Variants in ATRNL1 observed in about 807,000 individuals in gnomAD.
The protein encoded by ATRNL1 is attractin-like protein 1.
ATRNL1 carries 95 observed loss-of-function variants against 182.7 expected under a neutral mutation model. The ratio of observed to expected loss-of-function variants is 0.52; its 90% CI spans 0.44 to 0.62. ATRNL1 has a LOEUF of 0.62. Among genes scored for constraint, ATRNL1 ranks in the 20% least tolerant of loss-of-function variants. The pLI, the probability that ATRNL1 is intolerant of heterozygous loss-of-function variation, is 0.00. For synonymous variants in ATRNL1, 576 were observed against 568.3 expected, an observed-to-expected ratio of 1.01 and a Z score of -0.19; for missense variants, 1,471 against 1,679.5, an observed-to-expected ratio of 0.88 and a Z score of 2.17.
chr10:115,939,394 G>A (rs113347832), intron 28 of ATRNL1, among the ~76,000 whole-genome samples: 394 of 152,202 alleles, frequency 2.6e-3, no homozygotes, highest in African/African-American at 8.7e-3. Flanking sequence ...CTTCCTATGC[G>A]GTTTATACTT....
chr10:115,700,549 A>G (rs1047464439), intron 26 of ATRNL1, among the ~76,000 whole-genome samples: 1 of 151,814 alleles, frequency 6.6e-6, no homozygotes, highest in Non-Finnish European at 1.5e-5. Flanking sequence ...GGGTTATTTG[A>G]CTTTTCCTTG....
At chr10:115,368,337 A>G (rs753078989) in intron 19 of ATRNL1, among the ~76,000 whole-genome samples, 5 of 152,050 alleles carry the variant, frequency 3.3e-5, no homozygotes, top group African/African-American at 4.8e-5. Context: ...GAACTCCCTG[A>G]CCCTTGCGCT....
At chr10:115,360,963 G>A (rs781893706) in intron 19 of ATRNL1, among the ~76,000 whole-genome samples, 3 of 151,774 alleles carry the variant, frequency 2.0e-5, no homozygotes, top group Non-Finnish European at 4.4e-5. Context: ...TCTTACCAAC[G>A]TATCAGGAGC....
intron 26 of ATRNL1, among the ~76,000 whole-genome samples, chr10:115,594,584 G>A (rs932216309): frequency 2.6e-4 from 39 of 152,162 alleles, no homozygotes; most frequent in African/African-American, 8.7e-4. Flanking sequence ...GTGGCTCACC[G>A]CAATCTCCGC....
At chr10:115,394,848 T>C (rs557834919) in intron 20 of ATRNL1, 96 bp downstream of exon 20, 1 of 893,776 alleles carries the variant, frequency 1.1e-6, no homozygotes, top group Non-Finnish European at 1.7e-6. Flanking sequence ...TTGTGCTAGT[T>C]AGGCATACCT....
intron 20 of ATRNL1, among the ~76,000 whole-genome samples, chr10:115,409,859 T>C (rs1279193627): frequency 6.6e-6 from 1 of 152,208 alleles, no homozygotes; most frequent in Non-Finnish European, 1.5e-5. Flanking sequence ...TGGTGTGGTT[T>C]GTCATGTATG....
At chr10:115,648,661 G>A (rs1555033455) in intron 26 of ATRNL1, among the ~76,000 whole-genome samples, 2 of 152,072 alleles carry the variant, frequency 1.3e-5, no homozygotes, top group East Asian at 3.9e-4. Context: ...CCTTTTCTAG[G>A]CAGTTACTTC....
At chr10:115,672,754 T>A (rs1945738949) in intron 26 of ATRNL1, among the ~76,000 whole-genome samples, 1 of 152,144 alleles carries the variant, frequency 6.6e-6, no homozygotes. Flanking sequence ...CCAATTTTTG[T>A]CTTTCTTAAA....
chr10:115,290,778 G>A (rs1852863920), intron 15 of ATRNL1, among the ~76,000 whole-genome samples: 1 of 152,182 alleles, frequency 6.6e-6, no homozygotes, highest in African/African-American at 2.4e-5. Context: ...AATGCATGGG[G>A]TTTTATAGAC....
intron 10 of ATRNL1, among the ~76,000 whole-genome samples, chr10:115,246,131 A>C (rs1850627495): frequency 1.3e-5 from 2 of 152,196 alleles, no homozygotes; most frequent in South Asian, 4.1e-4. Context: ...GGCATGTCAC[A>C]CATGATTTAT....
intron 28 of ATRNL1, among the ~76,000 whole-genome samples, chr10:115,852,337 C>G (rs2134367977): frequency 6.6e-6 from 1 of 152,204 alleles, no homozygotes; most frequent in Admixed American, 6.5e-5. Flanking sequence ...TTTGAATAAT[C>G]TAGAAATATT....
chr10:115,180,792 C>CTA (rs1847719834), intron 8 of ATRNL1, among the ~76,000 whole-genome samples: 1 of 151,822 alleles, frequency 6.6e-6, no homozygotes, highest in Non-Finnish European at 1.5e-5. Flanking sequence ...CATAGAAAAA[C>CTA]TAAGTTAATA....
chr10:115,133,578 G>A (rs1257291731), intron 5 of ATRNL1, among the ~76,000 whole-genome samples: 1 of 152,104 alleles, frequency 6.6e-6, no homozygotes, highest in African/African-American at 2.4e-5. Context: ...AAGAGACTTA[G>A]ACTCCCACAC....
chr10:115,593,651 A>G (rs1449668741), intron 26 of ATRNL1, among the ~76,000 whole-genome samples: 2 of 152,238 alleles, frequency 1.3e-5, no homozygotes, highest in African/African-American at 4.8e-5. Context: ...TGTGGAAATT[A>G]TAGTATTTTT....
chr10:115,848,051 TAAAC>T, intron 28 of ATRNL1, 60 bp downstream of exon 28: 1 of 918,440 alleles, frequency 1.1e-6, no homozygotes, highest in Non-Finnish European at 1.8e-6. Context: ...ACAGAAGAAA[TAAAC>T]AATACCACTA....
At chr10:115,559,098 T>C (rs1312290453) in intron 26 of ATRNL1, among the ~76,000 whole-genome samples, 7 of 152,106 alleles carry the variant, frequency 4.6e-5, no homozygotes, top group African/African-American at 1.7e-4. Context: ...CGAGATAATA[T>C]GAGAATATAA....
At chr10:115,713,459 G>GTT (rs1555055230) in intron 26 of ATRNL1, among the ~76,000 whole-genome samples, 1 of 145,260 alleles carries the variant, frequency 6.9e-6, no homozygotes, top group Non-Finnish European at 1.5e-5. Context: ...GTGTGTGTGT[G>GTT]TGTGTGTTTG....
At chr10:115,228,920 C>T (rs1849812986) in intron 9 of ATRNL1, among the ~76,000 whole-genome samples, 1 of 151,806 alleles carries the variant, frequency 6.6e-6, no homozygotes, top group Non-Finnish European at 1.5e-5. Flanking sequence ...CACCTGACAC[C>T]ACGCCAGGCT....
chr10:115,788,816 G>A (rs1467181911), intron 27 of ATRNL1, among the ~76,000 whole-genome samples: 1 of 152,230 alleles, frequency 6.6e-6, no homozygotes, highest in East Asian at 1.9e-4. Flanking sequence ...TGAGAGGGCT[G>A]TCAGAAGCCT....
Sources: allele counts gnomAD v4.1 joint callset (sites outside exome capture counted in the v4.1 genomes callset), GRCh38; gene constraint gnomAD v4.1.1; transcripts MANE v1.5; gene names NCBI Gene and HGNC (gene_info 2026-07-23, HGNC 2026-07-21).